The following ATAD5 variants were observed in gnomAD, a reference collection of about 807,000 sequenced individuals.
ATAD5 encodes the protein ATPase family AAA domain-containing protein 5.
ATAD5 carries 58 observed loss-of-function variants against 176.9 expected under a neutral mutation model. The ratio of observed to expected loss-of-function variants is 0.33; its 90% CI spans 0.27 to 0.41. The LOEUF (loss-of-function observed/expected upper bound fraction) is 0.41. Ranked by LOEUF, ATAD5 falls within the 10% of genes least tolerant of loss-of-function variation. ATAD5 has a pLI of 1.00. For synonymous variants in ATAD5, 640 were observed against 712.6 expected, an observed-to-expected ratio of 0.90 and a Z score of 1.62; for missense variants, 1,789 against 2,094.1, an observed-to-expected ratio of 0.85 and a Z score of 2.84.
At chr17:30,852,755 AC>A (rs1883760031) in intron 6 of ATAD5, among the ~76,000 whole-genome samples, 1 of 152,020 alleles carries the variant, frequency 6.6e-6, no homozygotes, top group Non-Finnish European at 1.5e-5. Flanking sequence ...CTTTTAAACA[AC>A]CATCTCTCGG....
At chr17:30,843,793 G>A (rs968201758) in intron 4 of ATAD5, 120 bp from the exon 5 acceptor site, 7 of 495,570 alleles carry the variant, frequency 1.4e-5, no homozygotes, top group Non-Finnish European at 2.4e-5. Context: ...AATATCTGAT[G>A]GGAGGTGTAT....
intron 14 of ATAD5, among the ~76,000 whole-genome samples, chr17:30,870,382 G>A (rs1908267737): frequency 6.6e-6 from 1 of 152,096 alleles, no homozygotes; most frequent in South Asian, 2.1e-4. Context: ...TCCTCATGGT[G>A]TCAGTTAGTA....
At position 30,893,699 on chromosome 17, in the gene ATAD5, A is replaced by G; in HGVS notation, c.4846A>G (p.Lys1616Glu). The change falls in exon 21 of 23, where the codon AAA becomes GAA. Residue 1616 changes from lysine (K) to glutamate (E), a missense_variant. Physicochemically the swap from Lys to Glu is moderately conservative, Grantham distance 56 (BLOSUM62 1). Coordinates refer to ENST00000321990, the MANE Select transcript of ATAD5 (RefSeq NM_024857.5). Reference protein sequence around the residue: ...TGDEESKARDKGNNPETKKSI... With the variant: ...TGDEESKARDEGNNPETKKSI... ...AGACGAAGAAAGCAAAGCCAGAGAC[A>G]AAGGAAACAATCCAGAGACAAAGAA... is the stretch of plus-strand genomic sequence containing the variant. 6.2e-7 allele frequency: 1 copy of G among 1,613,558 alleles called. No individual in the cohort carries two copies. Among genetic ancestry groups the G allele is most frequent in the Non-Finnish European group, 8.5e-7 (1 of 1,179,780 alleles).
intron 10 of ATAD5, among the ~76,000 whole-genome samples, chr17:30,861,368 T>C (rs537397532): frequency 6.6e-6 from 1 of 151,876 alleles, no homozygotes; most frequent in Admixed American, 6.6e-5. Flanking sequence ...TCCTTCTCTC[T>C]CTTTTTTTTT....
At chr17:30,865,552 ATGT>A (rs1305498182) in intron 10 of ATAD5, 149 bp from the exon 11 acceptor site, 3 of 468,792 alleles carry the variant, frequency 6.4e-6, no homozygotes, top group African/African-American at 2.0e-5. Context: ...TTTAAATGTA[ATGT>A]TGTTTTAAAA....
chr17:30,888,615 G>A (rs1909449708), intron 19 of ATAD5, among the ~76,000 whole-genome samples: 1 of 151,874 alleles, frequency 6.6e-6, no homozygotes, highest in South Asian at 2.1e-4. Flanking sequence ...TTTTTTCCTG[G>A]CTATGCTACT....
In ATAD5 at chr17:30,857,072, C is replaced by T. The variant is rs369789600; in HGVS notation, c.2753C>T (p.Thr918Ile). ...KCGIALGEFSTLNSKLKSGNS... is the reference protein window; with the variant it reads ...KCGIALGEFSILNSKLKSGNS... ...GGTATTGCTCTTGGTGAATTTTCAACATTGAATTCAAAGTTGAAAAGCGGT... is the reference window on the plus strand; with the variant it reads ...GGTATTGCTCTTGGTGAATTTTCAATATTGAATTCAAAGTTGAAAAGCGGT... Residue 918 changes from threonine (T) to isoleucine (I), a missense_variant, in exon 8 of 23, where the codon ACA becomes ATA. Around this residue, in one of 6 missense-constraint regions of ATAD5, gnomAD observed 487 missense variants for 573.6 expected, o/e 0.85. Transcript: ENST00000321990. 37 of 1,611,110 alleles carry T rather than the reference C, an allele frequency of 2.3e-5. No homozygotes were observed. Among genetic ancestry groups the T allele is most frequent in the Non-Finnish European group, 3.1e-5 (36 of 1,179,434 alleles).
rs763224807 is a variant in ATAD5, at chr17:30,855,251, A to G, written c.2559A>G (p.Lys853=). The G allele has an allele frequency of 2.5e-6, 4 of 1,614,056 alleles. No homozygotes were observed. Among genetic ancestry groups the G allele is most frequent in the South Asian group, 1.1e-5 (1 of 91,082 alleles). The change falls in exon 7 of 23, where the codon AAA becomes AAG. Residue 853 remains lysine, a synonymous_variant. Transcript: ENST00000321990. ...PDLLKRQIAK[K]AAALDVYNAV... ...TGTTGAAACGGCAAATTGCAAAGAA[A>G]GCTGCTGCGCTGGATGTGTACAATG...
intron 6 of ATAD5, among the ~76,000 whole-genome samples, chr17:30,845,398 A>G (rs1020249933): frequency 1.8e-4 from 27 of 152,206 alleles, no homozygotes; most frequent in African/African-American, 6.5e-4. Context: ...GAAGACTTCA[A>G]TGAGGAAATG....
rs777026122 is a variant in ATAD5 at position 30,869,262 on chromosome 17, A to G, written c.3328A>G (p.Ile1110Val). 1 of 1,606,566 alleles carries G rather than the reference A, an allele frequency of 6.2e-7. No individual in the cohort carries two copies. Among genetic ancestry groups the G allele is most frequent in the East Asian group, 2.2e-5 (1 of 44,858 alleles). Residue 1110 changes from isoleucine (I) to valine (V), a missense_variant, in exon 13 of 23, where the codon ATA (isoleucine) becomes GTA (valine). By Grantham distance (29) the Ile-to-Val change is conservative (BLOSUM62 3). Around this residue, in one of 6 missense-constraint regions of ATAD5, gnomAD observed 487 missense variants for 573.6 expected, o/e 0.85. Transcript: ENST00000321990. ...TAATTTTTCAGATTTCTCGGGTGGC[A>G]TAGACTTTAAAGGCAGTTCAGATGA... Reference protein sequence around the residue: ...DEKHEDFSGGIDFKGSSDDEE... With the variant: ...DEKHEDFSGGVDFKGSSDDEE...
intron 1 of ATAD5, 92 bp from the exon 2 acceptor site, chr17:30,834,056 C>A (rs933150079): frequency 2.8e-6 from 3 of 1,070,894 alleles, no homozygotes; most frequent in African/African-American, 3.4e-5. Flanking sequence ...TTTTTTTAAT[C>A]CTATTATGTA....
At chr17:30,867,250 A>G (rs1475534605) in intron 11 of ATAD5, among the ~76,000 whole-genome samples, 1 of 152,066 alleles carries the variant, frequency 6.6e-6, no homozygotes, top group Admixed American at 6.6e-5. Context: ...AAATAAAAAA[A>G]ATAGCTGGGA....
At chr17:30,866,343 G>T (rs1224356780) in intron 11 of ATAD5, among the ~76,000 whole-genome samples, 1 of 150,494 alleles carries the variant, frequency 6.6e-6, no homozygotes, top group Non-Finnish European at 1.5e-5. Context: ...GACTACAGGG[G>T]TGCACCGCCA....
At chr17:30,855,392 A>G in intron 7 of ATAD5, 65 bp downstream of exon 7, 4 of 1,412,364 alleles carry the variant, frequency 2.8e-6, no homozygotes, top group Non-Finnish European at 3.8e-6. Flanking sequence ...TAAACTATGT[A>G]AGTTTCTTAA....
intron 6 of ATAD5, among the ~76,000 whole-genome samples, chr17:30,854,725 T>TTTTTG (rs764928626): frequency 1.4e-4 from 21 of 151,514 alleles, no homozygotes; most frequent in East Asian, 3.9e-4. Flanking sequence ...TCTTTTCTGG[T>TTTTTG]TTTTGTTTTG....
rs1398571001 is a variant in ATAD5 at position 30,857,070 on chromosome 17, A to G, written c.2751A>G (p.Ser917=). Reference sequence around the variant, plus strand: ...GTGGTATTGCTCTTGGTGAATTTTCAACATTGAATTCAAAGTTGAAAAGCG... The same window carrying G: ...GTGGTATTGCTCTTGGTGAATTTTCGACATTGAATTCAAAGTTGAAAAGCG... ...SKCGIALGEF[S]TLNSKLKSGN... The change falls in exon 8 of 23, where the codon TCA becomes TCG. Residue 917 remains serine (S), a synonymous_variant. Transcript: ENST00000321990. The G allele has an allele frequency of 4.3e-6, 7 of 1,611,360 alleles. No homozygotes were observed. Among genetic ancestry groups the G allele is most frequent in the Admixed American group, 1.7e-5 (1 of 59,000 alleles).
At chr17:30,866,477 TG>T (rs1295363324) in intron 11 of ATAD5, among the ~76,000 whole-genome samples, 1 of 149,338 alleles carries the variant, frequency 6.7e-6, no homozygotes, top group Non-Finnish European at 1.5e-5. Context: ...ATTACAGGTG[TG>T]AGCCACTGCA....
intron 19 of ATAD5, among the ~76,000 whole-genome samples, chr17:30,887,781 A>C (rs1007175970): frequency 6.6e-6 from 1 of 152,114 alleles, no homozygotes; most frequent in African/African-American, 2.4e-5. Context: ...ATGCCACTGC[A>C]CTCCGGCCCA....
intron 18 of ATAD5, among the ~76,000 whole-genome samples, chr17:30,886,931 G>A (rs567811146): frequency 6.6e-6 from 1 of 152,262 alleles, no homozygotes; most frequent in East Asian, 1.9e-4. Context: ...ACTGCCTTCA[G>A]TGTTCAGGTT....
Sources: allele counts gnomAD v4.1 joint callset (sites outside exome capture counted in the v4.1 genomes callset), GRCh38; gene constraint gnomAD v4.1.1; regional missense constraint gnomAD v4.1.1; transcripts MANE v1.5; gene names NCBI Gene and HGNC (gene_info 2026-07-23, HGNC 2026-07-21).